Variants in DBF4B observed in about 807,000 individuals in gnomAD.
The protein encoded by DBF4B is DBF4B-CDC7 kinase regulatory subunit.
DBF4B carries 49 observed loss-of-function variants against 53.4 expected under a neutral mutation model. The ratio of observed to expected loss-of-function variants is 0.92; its 90% CI spans 0.73 to 1.16. The LOEUF is 1.16. DBF4B is among the 50% of genes most tolerant of loss of function. The pLI is 0.00. For missense variants in DBF4B, 692 were observed against 775.0 expected (o/e 0.89, Z 1.27); for synonymous variants, 257 against 288.7 (o/e 0.89, Z 1.11).
Position 44,748,463 on chromosome 17 carries a change from C to G in DBF4B, c.1187C>G (p.Ser396Ter), listed in dbSNP as rs766365057. 42 of 1,613,870 alleles carry G rather than the reference C, an allele frequency of 2.6e-5. No homozygotes were observed. Among genetic ancestry groups the G allele is most frequent in the Non-Finnish European group, 3.5e-5 (41 of 1,179,902 alleles). The change falls in exon 13 of 14, where the codon TCA (serine) becomes TGA (stop). Residue 396 changes from serine to a stop codon, truncating the protein, a stop_gained and splice_region_variant. Transcript: ENST00000315005. LOFTEE classifies it low-confidence loss of function (END_TRUNC). ...AGGAAAGAAGACAGCTGCCAGGCAT[C>G]AGGTATCCCAGAGCAGGATGGGACA... ...RIRKEDSCQA[S>*]VTQGRAAGQQ...
Position 44,738,368 on chromosome 17 carries a change from T to TC in DBF4B, c.668-7dup. The stretch of plus-strand genomic sequence containing the variant: ...GACAGATAGCTGATGTGTGCATTCT[T>TC]CCCCTTTCAGTGGCCAGACTGAAGG... On this transcript the variant is annotated splice_polypyrimidine_tract_variant and intron_variant, in intron 8 of 13. Coordinates refer to ENST00000315005, the MANE Select transcript of DBF4B (RefSeq NM_145663.3). 6.2e-7 allele frequency: 1 copy of TC among 1,613,144 alleles called. No homozygotes were observed.
At chr17:44,708,967 G>T in intron 1 of DBF4B, 128 bp downstream of exon 1, 1 of 1,321,764 alleles carries the variant, frequency 7.6e-7, no homozygotes, top group South Asian at 1.4e-5. Context: ...GAGGGTATAG[G>T]GGCCGGGAAG....
Position 44,749,878 on chromosome 17 carries a change from C to G in DBF4B, c.1190-717C>G, listed in dbSNP as rs2049234091. The G allele has an allele frequency of 9.7e-7, 1 of 1,034,330 alleles. No individual in the cohort carries two copies. Among genetic ancestry groups the G allele is most frequent in the African/African-American group, 1.7e-5 (1 of 59,082 alleles). The allele number at this position is 1,034,330 out of a possible 1,614,324, so 64.1% of individuals were successfully genotyped here. On this transcript the variant is annotated intron_variant, in intron 13 of 13. Transcript: ENST00000315005. The surrounding 1 kb of genome is among the most constrained non-coding windows in gnomAD (Gnocchi z 4.4). Reference sequence around the variant, plus strand: ...TGCTTTCCAAAATGACTGTGTTTGTCCCCTCCCCCAGCCCCCCACGCTCCC... The same window carrying G: ...TGCTTTCCAAAATGACTGTGTTTGTGCCCTCCCCCAGCCCCCCACGCTCCC...
chr17:44,727,334 G>A (rs910466501), intron 3 of DBF4B, among the ~76,000 whole-genome samples: 1 of 151,758 alleles, frequency 6.6e-6, no homozygotes, highest in Non-Finnish European at 1.5e-5. Context: ...CACAACAATC[G>A]CTTGGACCCG....
intron 3 of DBF4B, among the ~76,000 whole-genome samples, chr17:44,725,407 C>G (rs1470238227): frequency 6.6e-6 from 1 of 152,158 alleles, no homozygotes; most frequent in Non-Finnish European, 1.5e-5. Flanking sequence ...CTCCCTTCCT[C>G]TCATAATGGC....
intron 3 of DBF4B, among the ~76,000 whole-genome samples, chr17:44,729,098 AAAAAG>A (rs1021253410): frequency 2.7e-5 from 4 of 148,230 alleles, no homozygotes; most frequent in African/African-American, 7.3e-5. Context: ...CTTGTCTCAA[AAAAAG>A]AAAAGAAAAG....
intron 7 of DBF4B, among the ~76,000 whole-genome samples, 199 bp from the exon 8 acceptor site, chr17:44,736,631 C>A (rs1975465058): frequency 1.3e-5 from 2 of 152,142 alleles, no homozygotes; most frequent in South Asian, 4.1e-4. Context: ...CGAGTGCCCC[C>A]CTTATTCATC....
chr17:44,729,765 G>T (rs1041525797), intron 3 of DBF4B, 140 bp from the exon 4 acceptor site: 1 of 784,430 alleles, frequency 1.3e-6, no homozygotes, highest in Non-Finnish European at 2.0e-6. Context: ...TTAGGAACTT[G>T]GTATGAAACT....
At chr17:44,729,129 T>C (rs1974597571) in intron 3 of DBF4B, among the ~76,000 whole-genome samples, 1 of 151,756 alleles carries the variant, frequency 6.6e-6, no homozygotes, top group African/African-American at 2.4e-5. Context: ...AAAAGGTAAA[T>C]GTAATCCTTC....
chr17:44,709,635 A>ATG (rs1179906607), intron 2 of DBF4B, among the ~76,000 whole-genome samples: 21 of 151,664 alleles, frequency 1.4e-4, no homozygotes, highest in African/African-American at 2.2e-4. Flanking sequence ...TAGTGGTTTT[A>ATG]TGTGTGTGTG....
At chr17:44,730,681 G>T (rs940985608) in intron 4 of DBF4B, among the ~76,000 whole-genome samples, 3 of 152,100 alleles carry the variant, frequency 2.0e-5, no homozygotes, top group African/African-American at 7.2e-5. Flanking sequence ...TCTTAAAGAG[G>T]GTCTCAGGAC....
At chr17:44,709,459 C>T in intron 2 of DBF4B, 93 bp downstream of exon 2, 3 of 1,331,148 alleles carry the variant, frequency 2.3e-6, no homozygotes, top group South Asian at 1.2e-5. Flanking sequence ...TTGGAGTTTT[C>T]GATCACTCAG....
chr17:44,721,855 C>G lies in DBF4B; in HGVS notation c.83-1025C>G, dbSNP rs760776515. On this transcript the variant is annotated intron_variant, in intron 2 of 13. Coordinates refer to ENST00000315005, the MANE Select transcript of DBF4B (RefSeq NM_145663.3). ...TGCATAGAAGAGGAAACAACCCTGG[C>G]CAGGCATGGTGGCTCGCGCCTGTAA... Among the ~76,000 whole-genome samples the G allele has an allele frequency of 6.0e-4, 91 of 151,700 alleles. 1 individual carries two copies. Among genetic ancestry groups the G allele is most frequent in the Admixed American group, 4.4e-3 (66 of 15,146 alleles).
chr17:44,739,928 C>T (rs1049948147), intron 9 of DBF4B, among the ~76,000 whole-genome samples: 1 of 152,180 alleles, frequency 6.6e-6, no homozygotes, highest in Non-Finnish European at 1.5e-5. Context: ...CCACGCCCAG[C>T]TAATTTTTGT....
rs531718124 is a variant in DBF4B at position 44,745,523 on chromosome 17, A to G, written c.831-1560A>G. On this transcript the variant is annotated intron_variant, in intron 10 of 13. Coordinates refer to ENST00000315005, the MANE Select transcript of DBF4B (RefSeq NM_145663.3). ...CCTTCTCCACAAGGTGGCAGGAGGG[A>G]TAAGTGCTGAGTGAAGGGGGAAGAG... Among the ~76,000 whole-genome samples the G allele has an allele frequency of 2.0e-5, 3 of 152,362 alleles. No homozygotes were observed. The South Asian group carries it at 6.2e-4, about 32-fold the overall frequency.
intron 13 of DBF4B, chr17:44,750,160 T>C: frequency 2.0e-6 from 2 of 998,770 alleles, no homozygotes; most frequent in African/African-American, 3.5e-5. Context: ...CCTCGCTCCC[T>C]CCTCTCCTTC....
At position 44,747,088 on chromosome 17, in the gene DBF4B, C is replaced by T; in HGVS notation, c.836C>T (p.Ser279Phe). The T allele has an allele frequency of 6.2e-7, 1 of 1,614,080 alleles. No individual in the cohort carries two copies. The highest frequency in any genetic ancestry group is 8.5e-7 in the Non-Finnish European group (1 of 1,179,988). The change falls in exon 11 of 14, where the codon TCC (serine) becomes TTC (phenylalanine). Residue 279 changes from serine (S) to phenylalanine (F), a missense_variant. Ser to Phe is a radical substitution (Grantham distance 155, BLOSUM62 -2). This residue lies in a region of DBF4B where 597 missense variants were observed against 665.8 expected (regional missense o/e 0.90). Coordinates refer to ENST00000315005, the MANE Select transcript of DBF4B (RefSeq NM_145663.3). ...TLGSMHHTRE[S>F]KDGEPSPRSA... ...GCACTATGTACCCTCCCCAGAGAATCCAAGGATGGAGAGCCAAGCCCACGA... is the reference window on the plus strand; with the variant it reads ...GCACTATGTACCCTCCCCAGAGAATTCAAGGATGGAGAGCCAAGCCCACGA...
Position 44,751,532 on chromosome 17 carries a change from A to G in DBF4B, c.*279A>G, listed in dbSNP as rs2049277670. On this transcript the variant is annotated 3_prime_UTR_variant, in exon 14 of 14. Coordinates refer to ENST00000315005, the MANE Select transcript of DBF4B (RefSeq NM_145663.3). ...CCTGGCCCTCCAGCCCACCTCGCCAACCACTCTTGTTGGTTTCCTTCTCAG... is the reference window on the plus strand; with the variant it reads ...CCTGGCCCTCCAGCCCACCTCGCCAGCCACTCTTGTTGGTTTCCTTCTCAG... The G allele has an allele frequency of 2.3e-6, 3 of 1,323,340 alleles. No homozygotes were observed. Among genetic ancestry groups the G allele is most frequent in the African/African-American group, 1.5e-5 (1 of 66,940 alleles). 82.0% of individuals were successfully genotyped at this position (1,323,340 alleles called of 1,614,324 possible).
rs557679672 is a variant in DBF4B, at chr17:44,749,635, C to T, written c.1190-960C>T. 1.2e-5 allele frequency: 14 copies of T among 1,180,404 alleles called. No homozygotes were observed. Among genetic ancestry groups the T allele is most frequent in the Admixed American group, 3.6e-5 (1 of 27,424 alleles). 73.1% of individuals were successfully genotyped at this position (1,180,404 alleles called of 1,614,324 possible). The stretch of plus-strand genomic sequence containing the variant: ...TGCCATGTTCCTGACCAGGCAGAGT[C>T]TACAGTGGGCTTGCCCAGCTGAGGC... On this transcript the variant is annotated intron_variant, in intron 13 of 13. Transcript: ENST00000315005. This position sits in a 1 kb window ranked among gnomAD's most constrained non-coding sequence, Gnocchi z 4.4.
Sources: gnomAD v4.1 joint callset for allele counts (sites outside exome capture counted in the v4.1 genomes callset) on GRCh38, gnomAD v4.1.1 for gene constraint, gnomAD v4.1.1 regional missense constraint, Gnocchi (gnomAD v3.1) non-coding constraint, MANE v1.5 for transcripts, NCBI Gene and HGNC (gene_info 2026-07-23, HGNC 2026-07-21) for gene names.